The following UNC13C variants were observed in gnomAD, a reference collection of about 807,000 sequenced individuals.
The protein encoded by UNC13C is unc-13 homolog C, also known as protein unc-13 homolog C.
In UNC13C, 174 loss-of-function variants were observed where a neutral mutation model predicts 245.4. The observed-to-expected ratio is 0.71, with a 90% CI of 0.63 to 0.80. The LOEUF is 0.80. Ranked by LOEUF, UNC13C falls within the 30% of genes least tolerant of loss-of-function variation. The probability of loss-of-function intolerance (pLI) is 0.00; values close to 1 mark genes in which losing one functional copy is unlikely to be tolerated. For synonymous variants in UNC13C, 992 were observed against 895.1 expected (o/e 1.11, Z -1.93); for missense variants, 2,829 against 2,602.9 (o/e 1.09, Z -1.89).
chr15:54,500,829 CCA>C lies in UNC13C; in HGVS notation c.5158-3_5158-2del. 1 of 1,612,192 alleles carries C rather than the reference CCA, an allele frequency of 6.2e-7. No homozygotes were observed. Among genetic ancestry groups the C allele is most frequent in the Non-Finnish European group, 8.5e-7 (1 of 1,178,896 alleles). On this transcript the variant is annotated splice_region_variant and splice_polypyrimidine_tract_variant and intron_variant, in intron 21 of 32. Transcript: ENST00000260323. Reference sequence around the variant, plus strand: ...TTTGGGATGGTTTCACCTCCTCTCCCCACAGTTCCAGCAGACATCTGAGCATG... The same window carrying C: ...TTTGGGATGGTTTCACCTCCTCTCCCCAGTTCCAGCAGACATCTGAGCATG...
intron 8 of UNC13C, among the ~76,000 whole-genome samples, chr15:54,251,299 T>A (rs1271177426): frequency 6.6e-6 from 1 of 152,210 alleles, no homozygotes; most frequent in Admixed American, 6.5e-5. Flanking sequence ...TTACCAGATA[T>A]GTGACTTTGA....
chr15:54,340,829 C>T (rs1468821680), intron 17 of UNC13C, among the ~76,000 whole-genome samples: 1 of 152,088 alleles, frequency 6.6e-6, no homozygotes, highest in Non-Finnish European at 1.5e-5. Flanking sequence ...GAAGAATTAT[C>T]ATGGTATTTT....
the UNC13C span, among the ~76,000 whole-genome samples, chr15:53,863,884 T>C: frequency 6.6e-6 from 1 of 152,304 alleles, no homozygotes; most frequent in East Asian, 1.9e-4. Flanking sequence ...TGCCCCTTGA[T>C]GAACACTCAT....
chr15:54,405,596 G>GA (rs1236967598), intron 18 of UNC13C, among the ~76,000 whole-genome samples: 2 of 152,032 alleles, frequency 1.3e-5, no homozygotes, highest in Non-Finnish European at 2.9e-5. Context: ...TAGACATGGT[G>GA]AAAAAACACT....
chr15:53,946,554 C>G, the UNC13C span, among the ~76,000 whole-genome samples: 3 of 150,450 alleles, frequency 2.0e-5, no homozygotes, highest in Non-Finnish European at 4.4e-5. Flanking sequence ...AACCCTGTCT[C>G]TACTAAAAAT....
At chr15:54,176,353 A>G (rs1319431374) in intron 4 of UNC13C, among the ~76,000 whole-genome samples, 1 of 152,170 alleles carries the variant, frequency 6.6e-6, no homozygotes, top group Non-Finnish European at 1.5e-5. Context: ...TGTTCTATTA[A>G]AGAAACAATA....
the UNC13C span, among the ~76,000 whole-genome samples, chr15:53,864,949 C>G: frequency 6.6e-6 from 1 of 152,054 alleles, no homozygotes; most frequent in South Asian, 2.1e-4. Flanking sequence ...GGGCATTAAC[C>G]AGGGGTCAGA....
At chr15:53,868,561 A>G in the UNC13C span, among the ~76,000 whole-genome samples, 2 of 151,296 alleles carry the variant, frequency 1.3e-5, no homozygotes, top group South Asian at 4.2e-4. Context: ...CTCTTAGCTT[A>G]ATGTATAAGA....
Position 54,216,178 on chromosome 15 carries a change from C to T in UNC13C, c.3072-18852C>T, listed in dbSNP as rs112888391. On this transcript the variant is annotated intron_variant, in intron 4 of 32. Coordinates refer to ENST00000260323, the MANE Select transcript of UNC13C (RefSeq NM_001080534.3). The stretch of plus-strand genomic sequence containing the variant: ...GGAGGGGTAAAGGACAGGACTGCAG[C>T]GAAAGCCTGGAGCCCCGATTATGTC... Among the ~76,000 whole-genome samples the T allele has an allele frequency of 1.9e-3, 293 of 152,010 alleles. 10 individuals are homozygous for T. Among genetic ancestry groups the T allele is most frequent in the African/African-American group, 6.6e-3 (272 of 41,514 alleles).
intron 30 of UNC13C, among the ~76,000 whole-genome samples, chr15:54,569,582 A>G (rs1474276355): frequency 2.0e-5 from 3 of 151,504 alleles, no homozygotes; most frequent in Admixed American, 6.6e-5. Flanking sequence ...GCATACATCT[A>G]TGTATGTTTG....
chr15:54,374,761 T>C (rs1448078444), intron 17 of UNC13C, among the ~76,000 whole-genome samples: 1 of 152,200 alleles, frequency 6.6e-6, no homozygotes, highest in African/African-American at 2.4e-5. Context: ...TCCTGCTAGC[T>C]CTGTGGAGCA....
chr15:54,369,423 A>G (rs964342868), intron 17 of UNC13C, among the ~76,000 whole-genome samples: 1 of 152,154 alleles, frequency 6.6e-6, no homozygotes, highest in Non-Finnish European at 1.5e-5. Flanking sequence ...GACCATTTAG[A>G]TCACTGTTCC....
Position 54,015,353 on chromosome 15 carries a change from A to G in UNC13C, c.2450A>G (p.Gln817Arg), listed in dbSNP as rs1164038691. The G allele has an allele frequency of 6.2e-7, 1 of 1,613,876 alleles. No individual in the cohort carries two copies. Among genetic ancestry groups the G allele is most frequent in the Non-Finnish European group, 8.5e-7 (1 of 1,179,828 alleles). Reference protein sequence around the residue: ...ALEVVWNKSTQSLSGYEDSGS... With the variant: ...ALEVVWNKSTRSLSGYEDSGS... ...GAAGTAGTATGGAACAAAAGCACAC[A>G]GAGTCTGAGTGGGTATGAGGACAGT... Residue 817 changes from glutamine to arginine, a missense_variant, in exon 2 of 33, where the codon CAG becomes CGG. By Grantham distance (43) the Gln-to-Arg change is conservative (BLOSUM62 1). Transcript: ENST00000260323.
At chr15:54,197,417 C>T (rs973021639) in intron 4 of UNC13C, among the ~76,000 whole-genome samples, 8 of 151,286 alleles carry the variant, frequency 5.3e-5, no homozygotes, top group African/African-American at 1.9e-4. Context: ...GAGCCAAGAT[C>T]ACACCACTGC....
chr15:54,193,962 G>A (rs960037412), intron 4 of UNC13C, among the ~76,000 whole-genome samples: 5 of 152,142 alleles, frequency 3.3e-5, no homozygotes, highest in Middle Eastern at 3.2e-3. Flanking sequence ...GAATGAGCTT[G>A]GCCAACTAGA....
intron 19 of UNC13C, among the ~76,000 whole-genome samples, chr15:54,427,019 A>G (rs927461758): frequency 1.3e-5 from 2 of 151,826 alleles, no homozygotes; most frequent in African/African-American, 2.4e-5. Context: ...TGAATAAAGA[A>G]TCTATATGTT....
chr15:54,391,647 G>A (rs1041297300), intron 17 of UNC13C, among the ~76,000 whole-genome samples: 13 of 151,976 alleles, frequency 8.6e-5, no homozygotes. Context: ...AGTATTTTGT[G>A]TCAGCCACTA....
intron 4 of UNC13C, among the ~76,000 whole-genome samples, chr15:54,177,291 A>G (rs988854746): frequency 1.3e-5 from 2 of 152,160 alleles, no homozygotes; most frequent in Admixed American, 6.5e-5. Context: ...GTATGTATAG[A>G]CTGAGATAAT....
chr15:54,360,260 G>GA (rs1214342926), intron 17 of UNC13C, among the ~76,000 whole-genome samples: 1 of 151,976 alleles, frequency 6.6e-6, no homozygotes, highest in South Asian at 2.1e-4. Context: ...GTGCTGTTGA[G>GA]AAAAAATTTT....
Sources: gnomAD v4.1 joint callset for allele counts (sites outside exome capture counted in the v4.1 genomes callset) on GRCh38, gnomAD v4.1.1 for gene constraint, MANE v1.5 for transcripts, NCBI Gene and HGNC (gene_info 2026-07-23, HGNC 2026-07-21) for gene names.